CATSPER3: variants seen among roughly 807,000 people sequenced by gnomAD.
The protein encoded by CATSPER3 is cation channel sperm associated 3, also known as cation channel sperm-associated protein 3.
Under a neutral mutation model 36.6 loss-of-function variants are expected in CATSPER3, and 23 were observed. That is an observed-to-expected ratio of 0.63 (90% CI 0.45 to 0.89). The LOEUF (loss-of-function observed/expected upper bound fraction) is 0.89. Among genes scored for constraint, CATSPER3 ranks in the 40% least tolerant of loss-of-function variants. The pLI is 0.00. For synonymous variants in CATSPER3, 172 were observed against 184.1 expected (o/e 0.93, Z 0.53); for missense variants, 474 against 503.9 (o/e 0.94, Z 0.57).
chr5:135,005,624 C>T (rs922677967), intron 3 of CATSPER3, among the ~76,000 whole-genome samples: 1 of 152,242 alleles, frequency 6.6e-6, no homozygotes, highest in African/African-American at 2.4e-5. Context: ...AAATAAAGAG[C>T]TACAATCTCA....
intron 2 of CATSPER3, among the ~76,000 whole-genome samples, chr5:134,994,744 GCTCT>G (rs1291018126): frequency 2.0e-5 from 3 of 151,152 alleles, no homozygotes; most frequent in Non-Finnish European, 4.4e-5. Flanking sequence ...CTGCTGCTCT[GCTCT>G]CTCTCTCTCT....
At chr5:135,010,261 A>G (rs1752164166) in intron 6 of CATSPER3, 112 bp from the exon 7 acceptor site, 2 of 935,484 alleles carry the variant, frequency 2.1e-6, no homozygotes, top group Non-Finnish European at 3.5e-6. Context: ...GCTTCCTTCC[A>G]GGACCAGGGT....
intron 2 of CATSPER3, among the ~76,000 whole-genome samples, chr5:134,993,339 C>T (rs1751906212): frequency 6.6e-6 from 1 of 152,122 alleles, no homozygotes; most frequent in Non-Finnish European, 1.5e-5. Context: ...TTATTGGGTA[C>T]AGAGTTTCCA....
chr5:134,975,290 CTG>C (rs1157193239), intron 2 of CATSPER3: 1 of 151,956 alleles, frequency 6.6e-6, no homozygotes, highest in African/African-American at 2.4e-5. Context: ...CCTTGAGGCT[CTG>C]TGCAAGCAGG....
chr5:134,969,595 T>C (rs1173806670), intron 1 of CATSPER3: 1 of 339,468 alleles, frequency 2.9e-6, no homozygotes, highest in Non-Finnish European at 5.6e-6. Context: ...GTCACTGTGT[T>C]CCCAGTGCCT....
At position 135,011,669 on chromosome 5, in the gene CATSPER3, A is replaced by G. The variant is rs368080716; in HGVS notation, c.*46A>G. The G allele has an allele frequency of 1.3e-5, 17 of 1,306,254 alleles. No individual in the cohort carries two copies. The highest frequency in any genetic ancestry group is 1.5e-5 in the Non-Finnish European group (14 of 906,192). The allele number at this position is 1,306,254 out of a possible 1,614,324, so 80.9% of individuals were successfully genotyped here. On this transcript the variant is annotated 3_prime_UTR_variant, in exon 8 of 8. Transcript: ENST00000282611. Reference sequence around the variant, plus strand: ...TGCCGAGAGCCTTGCAGACCATGACAGGTCCCTATTAAACACAGGCTTTCT... The same window carrying G: ...TGCCGAGAGCCTTGCAGACCATGACGGGTCCCTATTAAACACAGGCTTTCT...
At chr5:135,000,231 C>T (rs1052394488) in intron 3 of CATSPER3, among the ~76,000 whole-genome samples, 8 of 151,170 alleles carry the variant, frequency 5.3e-5, no homozygotes, top group African/African-American at 1.5e-4. Context: ...GCATATGTTG[C>T]GTCCCATAGG....
At chr5:134,985,180 G>A (rs1483543115) in intron 2 of CATSPER3, among the ~76,000 whole-genome samples, 1 of 152,096 alleles carries the variant, frequency 6.6e-6, no homozygotes, top group Non-Finnish European at 1.5e-5. Context: ...CAACCTAAGT[G>A]CCCATCAACC....
At chr5:134,998,500 CTT>C (rs1751980253) in intron 3 of CATSPER3, among the ~76,000 whole-genome samples, 4 of 152,230 alleles carry the variant, frequency 2.6e-5, no homozygotes, top group Non-Finnish European at 5.9e-5. Flanking sequence ...GCCACACTGT[CTT>C]CCACAATGGT....
chr5:134,976,501 C>G (rs1488071528), intron 2 of CATSPER3, among the ~76,000 whole-genome samples: 2 of 152,242 alleles, frequency 1.3e-5, no homozygotes, highest in African/African-American at 4.8e-5. Flanking sequence ...CTCCCTGTGT[C>G]TGCTCTCATG....
intron 2 of CATSPER3, among the ~76,000 whole-genome samples, chr5:134,981,143 AC>A (rs1758309474): frequency 1.4e-5 from 2 of 145,938 alleles, no homozygotes; most frequent in African/African-American, 5.1e-5. Flanking sequence ...TTTTCCCCAA[AC>A]CCTCTCTCTC....
intron 2 of CATSPER3, among the ~76,000 whole-genome samples, chr5:134,989,557 C>T (rs1408178573): frequency 6.6e-6 from 1 of 152,208 alleles, no homozygotes; most frequent in East Asian, 1.9e-4. Flanking sequence ...CCTCAAGAAC[C>T]AACCTCTGCT....
chr5:135,001,691 G>C (rs1012129268), intron 3 of CATSPER3, among the ~76,000 whole-genome samples: 3 of 152,154 alleles, frequency 2.0e-5, no homozygotes, highest in Admixed American at 1.3e-4. Context: ...TCTTCATGTT[G>C]AATTGATCCC....
At chr5:134,997,198 G>A (rs112144357) in intron 3 of CATSPER3, among the ~76,000 whole-genome samples, 41 of 152,344 alleles carry the variant, frequency 2.7e-4, no homozygotes, top group African/African-American at 7.0e-4. Context: ...CAGTCGGGGT[G>A]TGTCGTCCTG....
intron 2 of CATSPER3, among the ~76,000 whole-genome samples, chr5:134,972,349 C>T (rs1751618281): frequency 6.6e-6 from 1 of 152,028 alleles, no homozygotes; most frequent in Non-Finnish European, 1.5e-5. Flanking sequence ...TAATGAAAGC[C>T]CACCACAAAG....
intron 3 of CATSPER3, among the ~76,000 whole-genome samples, chr5:134,998,044 G>C (rs1376529760): frequency 1.3e-5 from 2 of 152,040 alleles, no homozygotes; most frequent in Non-Finnish European, 2.9e-5. Context: ...TTTACATTAG[G>C]TATATCTCCT....
intron 2 of CATSPER3, among the ~76,000 whole-genome samples, chr5:134,978,469 CA>C (rs924993802): frequency 1.5e-4 from 22 of 149,398 alleles, no homozygotes; most frequent in African/African-American, 5.3e-4. Context: ...CGTTAAAAAA[CA>C]AAACACAATC....
At chr5:135,006,598 A>T (rs1191298755) in intron 3 of CATSPER3, among the ~76,000 whole-genome samples, 1 of 152,084 alleles carries the variant, frequency 6.6e-6, no homozygotes, top group Non-Finnish European at 1.5e-5. Flanking sequence ...GCACTTTGGG[A>T]GGCCAAGGTG....
rs10044000 is a variant in CATSPER3, at chr5:135,007,971, C to T, written c.507C>T (p.Ala169=). The T allele has an allele frequency of 0.37, 603,051 of 1,613,028 alleles. 117,247 individuals carry two copies. The highest frequency in any genetic ancestry group is 0.51 in the Middle Eastern group (3,026 of 5,956). ...CTGCCTTGCAGACGCTGATCACCGCCGTGGGGCAGACAGTCTACACCGTGG... is the reference window on the plus strand; with the variant it reads ...CTGCCTTGCAGACGCTGATCACCGCTGTGGGGCAGACAGTCTACACCGTGG... ...YSQGIRTLIT[A]VGQTVYTVAS... The change falls in exon 4 of 8, where the codon GCC becomes GCT. Residue 169 remains alanine, a synonymous_variant. Transcript: ENST00000282611.
Sources: allele counts gnomAD v4.1 joint callset (sites outside exome capture counted in the v4.1 genomes callset), GRCh38; gene constraint gnomAD v4.1.1; transcripts MANE v1.5; gene names NCBI Gene and HGNC (gene_info 2026-07-23, HGNC 2026-07-21).